ERI3: variants seen among roughly 807,000 people sequenced by gnomAD.
ERI3 encodes the protein ERI1 exoribonuclease family member 3.
ERI3 carries 18 observed loss-of-function variants against 44.4 expected under a neutral mutation model. The observed-to-expected ratio is 0.41, with a 90% CI of 0.28 to 0.60. The LOEUF (loss-of-function observed/expected upper bound fraction) is 0.60, where lower values mean the gene tolerates loss of function less well. Among genes scored for constraint, ERI3 ranks in the 20% least tolerant of loss-of-function variants. The pLI is 0.36. For missense variants in ERI3, 294 were observed against 435.5 expected (o/e 0.68, Z 2.89); for synonymous variants, 183 against 164.8 (o/e 1.11, Z -0.84).
At chr1:44,256,435 A>G (rs1644781995) in intron 7 of ERI3, among the ~76,000 whole-genome samples, 1 of 152,170 alleles carries the variant, frequency 6.6e-6, no homozygotes, top group Non-Finnish European at 1.5e-5. Context: ...TAAAGCAGCA[A>G]AGGGATGGAC....
chr1:44,298,810 C>T (rs528972750), intron 6 of ERI3, among the ~76,000 whole-genome samples: 8 of 152,218 alleles, frequency 5.3e-5, no homozygotes, highest in African/African-American at 1.9e-4. Flanking sequence ...CCCAGCTACT[C>T]GGAAGGTTGG....
At chr1:44,325,540 G>T (rs1237048145) in intron 3 of ERI3, among the ~76,000 whole-genome samples, 1 of 152,168 alleles carries the variant, frequency 6.6e-6, no homozygotes, top group Non-Finnish European at 1.5e-5. Flanking sequence ...CCCTCCAACT[G>T]AAGTGTCTGC....
intron 7 of ERI3, among the ~76,000 whole-genome samples, chr1:44,258,718 A>G (rs1394487119): frequency 4.6e-5 from 7 of 152,210 alleles, no homozygotes. Flanking sequence ...GGTGTAGGCT[A>G]GGAGCTCAGA....
intron 8 of ERI3, among the ~76,000 whole-genome samples, chr1:44,226,811 ACAC>A (rs1186743141): frequency 1.3e-4 from 20 of 151,838 alleles, no homozygotes; most frequent in Non-Finnish European, 2.2e-4. Flanking sequence ...ACACACACAC[ACAC>A]AAACTATCCT....
chr1:44,349,204 G>A (rs370053161), intron 2 of ERI3, among the ~76,000 whole-genome samples: 3 of 152,322 alleles, frequency 2.0e-5, no homozygotes, highest in East Asian at 3.9e-4. Context: ...CCAGGCTGGA[G>A]TGCAGTGGCT....
chr1:44,310,701 C>G (rs1259253072), intron 5 of ERI3, among the ~76,000 whole-genome samples: 1 of 152,116 alleles, frequency 6.6e-6, no homozygotes, highest in Admixed American at 6.5e-5. Flanking sequence ...CTGGCCCATG[C>G]TAAAGTCATC....
At chr1:44,352,047 A>G (rs777681103) in intron 2 of ERI3, among the ~76,000 whole-genome samples, 13 of 152,172 alleles carry the variant, frequency 8.5e-5, no homozygotes, top group Non-Finnish European at 1.5e-4. Context: ...TGTAAGCTCT[A>G]TGGTGTCAGG....
At chr1:44,290,480 C>T (rs1645482954) in intron 6 of ERI3, among the ~76,000 whole-genome samples, 1 of 152,156 alleles carries the variant, frequency 6.6e-6, no homozygotes, top group Non-Finnish European at 1.5e-5. Flanking sequence ...CCCTAGCGGC[C>T]CTGCAGCTCA....
intron 7 of ERI3, 47 bp from the exon 8 acceptor site, chr1:44,248,085 AC>A (rs1247668115): frequency 2.9e-6 from 4 of 1,370,626 alleles, no homozygotes; most frequent in Non-Finnish European, 4.1e-6. Flanking sequence ...GACCCTCTGA[AC>A]CAACCCCACT....
At chr1:44,324,523 C>G (rs959786830) in intron 3 of ERI3, among the ~76,000 whole-genome samples, 1 of 148,600 alleles carries the variant, frequency 6.7e-6, no homozygotes, top group Non-Finnish European at 1.5e-5. Context: ...GCTCTGTCGC[C>G]CAGGCTGGGT....
chr1:44,227,082 A>C (rs1020081200), intron 8 of ERI3, among the ~76,000 whole-genome samples: 5 of 152,154 alleles, frequency 3.3e-5, no homozygotes, highest in African/African-American at 1.2e-4. Flanking sequence ...AAGCCAATCA[A>C]ACTGGGGGAA....
intron 6 of ERI3, among the ~76,000 whole-genome samples, chr1:44,300,502 C>T (rs996462174): frequency 1.3e-5 from 2 of 152,224 alleles, no homozygotes; most frequent in South Asian, 2.1e-4. Context: ...AGCAGAGCAA[C>T]TATCCCAAAC....
chr1:44,353,911 GCCAAGTGGGTTTCTAA>G, intron 1 of ERI3: 1 of 985,354 alleles, frequency 1.0e-6, no homozygotes, highest in Non-Finnish European at 1.2e-6. Context: ...GGAAAAGGCA[GCCAAGTGGGTTTCTAA>G]CCAGGATCAC....
intron 2 of ERI3, among the ~76,000 whole-genome samples, chr1:44,352,340 C>T (rs182667249): frequency 6.6e-6 from 1 of 152,252 alleles, no homozygotes; most frequent in East Asian, 1.9e-4. Context: ...GCTCCAGCTA[C>T]TTGTGGGCAG....
chr1:44,298,839 G>A (rs1191860301), intron 6 of ERI3, among the ~76,000 whole-genome samples: 1 of 152,206 alleles, frequency 6.6e-6, no homozygotes, highest in African/African-American at 2.4e-5. Context: ...GATGACTTGA[G>A]CCCACGGAGG....
At chr1:44,331,302 T>C (rs1314601358) in intron 3 of ERI3, among the ~76,000 whole-genome samples, 3 of 144,104 alleles carry the variant, frequency 2.1e-5, no homozygotes, top group Middle Eastern at 3.7e-3. Flanking sequence ...AAATTCCCAA[T>C]TTTTTTTTTT....
chr1:44,354,060 A>G, intron 1 of ERI3: 1 of 985,452 alleles, frequency 1.0e-6, no homozygotes, highest in Non-Finnish European at 1.2e-6. Flanking sequence ...GGCATGCTGT[A>G]TATGATAAAG....
chr1:44,354,762 G>T, intron 1 of ERI3, 130 bp downstream of exon 1: 1 of 1,254,508 alleles, frequency 8.0e-7, no homozygotes, highest in Non-Finnish European at 1.0e-6. Flanking sequence ...TTACTCAGTA[G>T]ATTAAGTAAG....
chr1:44,344,673 T>C (rs879725953), intron 2 of ERI3, among the ~76,000 whole-genome samples: 3 of 152,236 alleles, frequency 2.0e-5, no homozygotes, highest in Admixed American at 1.3e-4. Flanking sequence ...AACTGGGACT[T>C]TGAGTATCTA....
Sources: allele counts gnomAD v4.1 joint callset (sites outside exome capture counted in the v4.1 genomes callset), GRCh38; gene constraint gnomAD v4.1.1; transcripts MANE v1.5; gene names NCBI Gene and HGNC (gene_info 2026-07-23, HGNC 2026-07-21).